Variants in FRMPD2 observed in about 807,000 individuals in gnomAD.
The protein encoded by FRMPD2 is FERM and PDZ domain-containing protein 2.
Under a neutral mutation model 140.1 loss-of-function variants are expected in FRMPD2, and 96 were observed. The observed-to-expected ratio is 0.69, with a 90% CI of 0.58 to 0.81. The LOEUF (loss-of-function observed/expected upper bound fraction) is 0.81, where lower values mean the gene tolerates loss of function less well. FRMPD2 is among the 40% of genes least tolerant of loss of function. The pLI is 0.00. For missense variants in FRMPD2, 1,240 were observed against 1,447.4 expected (o/e 0.86, Z 2.32); for synonymous variants, 449 against 547.6 (o/e 0.82, Z 2.52).
intron 15 of FRMPD2, among the ~76,000 whole-genome samples, chr10:48,199,398 C>A (rs11594394): frequency 0.19 from 28,400 of 151,870 alleles, 3,419 homozygotes; most frequent in Non-Finnish European, 0.26. Context: ...GCTAAGCAAC[C>A]AAAAGTAGGA....
chr10:48,213,912 T>C (rs1201783999), intron 12 of FRMPD2, among the ~76,000 whole-genome samples: 3 of 152,198 alleles, frequency 2.0e-5, no homozygotes, highest in African/African-American at 4.8e-5. Flanking sequence ...GTAATTCTTG[T>C]CATATCCAAC....
At chr10:48,232,344 G>A in intron 9 of FRMPD2, 55 bp from the exon 10 acceptor site, 1 of 1,317,800 alleles carries the variant, frequency 7.6e-7, no homozygotes, top group Admixed American at 2.1e-5. Context: ...TGAGCCTTTA[G>A]TGTGTGCTGG....
intron 28 of FRMPD2, chr10:48,159,080 C>T: frequency 1.8e-5 from 8 of 434,010 alleles, no homozygotes; most frequent in South Asian, 1.3e-4. Context: ...CGGTTAAACT[C>T]ACAACAAAGT....
intron 12 of FRMPD2, among the ~76,000 whole-genome samples, chr10:48,220,779 G>T (rs551912814): frequency 1.3e-4 from 20 of 152,170 alleles, no homozygotes; most frequent in African/African-American, 4.1e-4. Flanking sequence ...GTAGACTAAG[G>T]ACATGAATAG....
rs180943552 is a variant in FRMPD2 at position 48,187,298 on chromosome 10, G to A, written c.2166-6C>T. 75 of 1,613,314 alleles carry A rather than the reference G, an allele frequency of 4.6e-5. 1 individual carries two copies. The Middle Eastern group carries it at 8.3e-4, about 18-fold the overall frequency. ...GCTCCCGGCCAGTGCAGGGGCTGCC[G>A]GGAAAAGAAAATGAGGTTAGATAAG... On this transcript the variant is annotated splice_region_variant and splice_polypyrimidine_tract_variant and intron_variant, in intron 16 of 28. Transcript: ENST00000374201.
At chr10:48,240,195 G>T (rs1452703855) in intron 6 of FRMPD2, among the ~76,000 whole-genome samples, 165 bp downstream of exon 6, 3 of 152,230 alleles carry the variant, frequency 2.0e-5, no homozygotes, top group African/African-American at 7.2e-5. Flanking sequence ...GGGAACACAG[G>T]TGAGTCCTAA....
intron 15 of FRMPD2, among the ~76,000 whole-genome samples, chr10:48,194,661 G>A (rs1838912706): frequency 6.6e-6 from 1 of 152,174 alleles, no homozygotes; most frequent in Non-Finnish European, 1.5e-5. Flanking sequence ...ATGCTGGAGA[G>A]TGCCTGGAGC....
intron 1 of FRMPD2, among the ~76,000 whole-genome samples, chr10:48,270,444 A>G (rs762245286): frequency 1.3e-5 from 2 of 152,214 alleles, no homozygotes; most frequent in Non-Finnish European, 2.9e-5. Flanking sequence ...ACAAAGATGT[A>G]TATTCAAAGA....
Position 48,212,094 on chromosome 10 carries a change from G to T in FRMPD2, c.1471C>A (p.Pro491Thr), listed in dbSNP as rs746669780. The T allele has an allele frequency of 6.2e-6, 10 of 1,614,052 alleles. No individual in the cohort carries two copies. In the South Asian group the frequency reaches 1.1e-4, roughly 18 times the overall value. ...NYPKEQVESK[P>T]YFHVEDYIPA... ...ATGTAATCTTCAACGTGAAAGTATG[G>T]CTTACTCTCCACCTGCTGGAAGTAA... The change falls in exon 13 of 29, where the codon CCA becomes ACA. Residue 491 changes from proline (P) to threonine (T), a missense_variant. Physicochemically the swap from Pro to Thr is conservative, Grantham distance 38. Transcript: ENST00000374201.
At chr10:48,195,571 A>T (rs910160800) in intron 15 of FRMPD2, among the ~76,000 whole-genome samples, 5 of 152,218 alleles carry the variant, frequency 3.3e-5, no homozygotes, top group Admixed American at 2.0e-4. Context: ...GGCACTTGGG[A>T]AAACAGCAGT....
intron 9 of FRMPD2, among the ~76,000 whole-genome samples, chr10:48,236,068 GTTTTTTT>G (rs112112427): frequency 7.1e-6 from 1 of 140,272 alleles, no homozygotes; most frequent in East Asian, 2.1e-4. Context: ...TTTGTTTTTT[GTTTTTTT>G]TTTTTGCACA....
Position 48,184,654 on chromosome 10 carries a change from G to A in FRMPD2, c.2496C>T (p.Ile832=), listed in dbSNP as rs1175817161. The change falls in exon 20 of 29, where the codon ATC becomes ATT. Residue 832 remains isoleucine (I), a synonymous_variant. Coordinates refer to ENST00000374201, the MANE Select transcript of FRMPD2 (RefSeq NM_001018071.4). ...TGTTGAATGTGAAGCCCTCCAGACT[G>A]ATGTGATTCAGGGCTAGTATCTGCC... ...PGGQILALNH[I]SLEGFTFNMA... 1.9e-6 allele frequency: 3 copies of A among 1,613,108 alleles called. No individual in the cohort carries two copies. In the Admixed American group the frequency reaches 5.0e-5, roughly 27 times the overall value.
chr10:48,220,520 T>C (rs1002824718), intron 12 of FRMPD2, among the ~76,000 whole-genome samples: 1 of 152,172 alleles, frequency 6.6e-6, no homozygotes, highest in African/African-American at 2.4e-5. Context: ...TTCTGGATAT[T>C]GGCTTAGACA....
At chr10:48,259,667 C>T (rs754038806) in intron 1 of FRMPD2, among the ~76,000 whole-genome samples, 2 of 151,136 alleles carry the variant, frequency 1.3e-5, no homozygotes, top group Non-Finnish European at 2.9e-5. Context: ...TGAGTATACA[C>T]ACATACACAT....
chr10:48,167,424 G>C (rs1311272618), intron 27 of FRMPD2, among the ~76,000 whole-genome samples: 1 of 43,810 alleles, frequency 2.3e-5, no homozygotes, highest in Non-Finnish European at 4.9e-5. Flanking sequence ...CCCCAGCGCT[G>C]GTTAGGGCAA....
At chr10:48,218,525 G>T (rs191677481) in intron 12 of FRMPD2, among the ~76,000 whole-genome samples, 3 of 152,126 alleles carry the variant, frequency 2.0e-5, no homozygotes, top group Non-Finnish European at 4.4e-5. Context: ...CTCTATCCCT[G>T]CCTCCTAGGG....
intron 12 of FRMPD2, among the ~76,000 whole-genome samples, chr10:48,221,966 ATGGATGGATGGT>A (rs1363676335): frequency 4.4e-4 from 63 of 144,558 alleles, no homozygotes; most frequent in African/African-American, 1.5e-3. Flanking sequence ...GGGTGGGTGG[ATGGATGGATGGT>A]TGGATGGATG....
intron 1 of FRMPD2, among the ~76,000 whole-genome samples, chr10:48,271,237 C>T (rs776553520): frequency 1.6e-4 from 25 of 152,138 alleles, no homozygotes; most frequent in African/African-American, 2.7e-4. Flanking sequence ...TGGGGACACT[C>T]GCATCTGGAG....
rs141048034 is a variant in FRMPD2, at chr10:48,185,013, A to T, written c.2360-132T>A. The T allele has an allele frequency of 3.7e-3, 2,307 of 628,294 alleles. 25 individuals are homozygous for T. The highest frequency in any genetic ancestry group is 0.015 in the South Asian group (717 of 47,508). 38.9% of individuals were successfully genotyped at this position (628,294 alleles called of 1,614,324 possible). A position where few individuals can be genotyped will look rare whatever the true frequency, so the allele number is the denominator to read the frequency against. On this transcript the variant is annotated intron_variant, in intron 18 of 28. Coordinates refer to ENST00000374201, the MANE Select transcript of FRMPD2 (RefSeq NM_001018071.4). ...CTGATAGTTACAGTCAGGTCTTCTG[A>T]TCCTCAAATAGAGGATCTTTTCTAC...
Sources: allele counts gnomAD v4.1 joint callset (sites outside exome capture counted in the v4.1 genomes callset), GRCh38; gene constraint gnomAD v4.1.1; transcripts MANE v1.5; gene names NCBI Gene and HGNC (gene_info 2026-07-23, HGNC 2026-07-21).